The following BCAS3 variants were observed in gnomAD, a reference collection of about 807,000 sequenced individuals.
BCAS3 encodes BCAS3 microtubule associated cell migration factor, also known as BCAS4/BCAS3 fusion.
A neutral mutation model predicts 116.1 loss-of-function variants in BCAS3; 53 were observed. That is an observed-to-expected ratio of 0.46 (90% CI 0.37 to 0.57). BCAS3 has a LOEUF of 0.57. BCAS3 is among the 20% of genes least tolerant of loss of function. The pLI is 0.00. For missense variants in BCAS3, 917 were observed against 1,165.4 expected (o/e 0.79, Z 3.10); for synonymous variants, 391 against 408.2 (o/e 0.96, Z 0.51).
intron 7 of BCAS3, among the ~76,000 whole-genome samples, chr17:60,856,657 C>T (rs2053697949): frequency 6.6e-6 from 1 of 151,936 alleles, no homozygotes; most frequent in Admixed American, 6.6e-5. Context: ...AGCTACCGCA[C>T]TCCAGCCTGG....
rs1601710854 is a variant in BCAS3 at position 61,171,966 on chromosome 17, T to C, written c.2425+87402T>C. ...GCTTTAAAAAGCAGGAATGGCTATA[T>C]TAATAGACAAAGTAGACTTCAGAAC... On this transcript the variant is annotated intron_variant, in intron 22 of 23. Transcript: ENST00000407086. The surrounding 1 kb of genome is among the most constrained non-coding windows in gnomAD (Gnocchi z 4.1). 6.6e-6 allele frequency among the ~76,000 whole-genome samples: 1 copy of C among 152,212 alleles called. No individual in the cohort carries two copies. Among genetic ancestry groups the C allele is most frequent in the South Asian group, 2.1e-4 (1 of 4,814 alleles).
intron 22 of BCAS3, among the ~76,000 whole-genome samples, chr17:61,257,570 A>G (rs2048888906): frequency 1.3e-5 from 2 of 152,202 alleles, no homozygotes; most frequent in Admixed American, 1.3e-4. Context: ...CAAAATAGCA[A>G]ATATTTTGGT....
chr17:60,886,404 C>T (rs2056641429), intron 9 of BCAS3: 2 of 151,804 alleles, frequency 1.3e-5, no homozygotes, highest in African/African-American at 4.8e-5. Context: ...CCTCCCGTAG[C>T]TCAGAGTAAT....
At chr17:60,770,791 C>A (rs1402244362) in intron 6 of BCAS3, among the ~76,000 whole-genome samples, 1 of 144,722 alleles carries the variant, frequency 6.9e-6, no homozygotes, top group Non-Finnish European at 1.5e-5. Flanking sequence ...GAGGTGCATA[C>A]TATCTGCAGT....
chr17:61,389,328 G>A (rs1354394510), intron 23 of BCAS3: 1 of 152,670 alleles, frequency 6.6e-6, no homozygotes, highest in African/African-American at 2.4e-5. Context: ...CATCACTTTT[G>A]TGTCTCAGAC....
intron 22 of BCAS3, among the ~76,000 whole-genome samples, chr17:61,334,664 C>CAA (rs35400660): frequency 0.046 from 2,153 of 46,322 alleles, 29 homozygotes; most frequent in East Asian, 0.069. Flanking sequence ...AACTCCATCT[C>CAA]AAAAAAAAAA....
chr17:60,881,477 A>C (rs2056143191), intron 9 of BCAS3, among the ~76,000 whole-genome samples: 1 of 151,602 alleles, frequency 6.6e-6, no homozygotes, highest in Non-Finnish European at 1.5e-5. Flanking sequence ...TTTAGGGTAC[A>C]TGTGCACATT....
chr17:61,047,534 A>G (rs1250904190), intron 19 of BCAS3, among the ~76,000 whole-genome samples: 2 of 152,038 alleles, frequency 1.3e-5, no homozygotes, highest in African/African-American at 4.8e-5. Context: ...TTATAAAAAG[A>G]TGACAGCAGA....
In BCAS3 at chr17:60,956,718, G is replaced by A. The variant is rs1272255358; in HGVS notation, c.1221+9366G>A. Among the ~76,000 whole-genome samples, 1 of 152,104 alleles carries A rather than the reference G, an allele frequency of 6.6e-6. No homozygotes were observed. Among genetic ancestry groups the A allele is most frequent in the African/African-American group, 2.4e-5 (1 of 41,400 alleles). On this transcript the variant is annotated intron_variant, in intron 14 of 23. Coordinates refer to ENST00000407086, the MANE Select transcript of BCAS3 (RefSeq NM_017679.5). The surrounding 1 kb of genome is among the most constrained non-coding windows in gnomAD (Gnocchi z 4.2). ...AAATAGAAATTATTTAAATGATTATGCTCTAGAACACACTCTGTATGGGAG... is the reference window on the plus strand; with the variant it reads ...AAATAGAAATTATTTAAATGATTATACTCTAGAACACACTCTGTATGGGAG...
At position 61,012,279 on chromosome 17, in the gene BCAS3, C is replaced by G. The variant is rs1388477253; in HGVS notation, c.1487-3472C>G. 6.6e-6 allele frequency among the ~76,000 whole-genome samples: 1 copy of G among 152,086 alleles called. No individual in the cohort carries two copies. The highest frequency in any genetic ancestry group is 1.5e-5 in the Non-Finnish European group (1 of 67,968). ...ATAAGCCTCCAAAAGTGTGAAGTGACAGAGCAAAGATTGAGTGGAACTTTT... is the reference window on the plus strand; with the variant it reads ...ATAAGCCTCCAAAAGTGTGAAGTGAGAGAGCAAAGATTGAGTGGAACTTTT... On this transcript the variant is annotated intron_variant, in intron 15 of 23. Transcript: ENST00000407086. This position sits in a 1 kb window ranked among gnomAD's most constrained non-coding sequence, Gnocchi z 4.5.
rs1466926013 is a variant in BCAS3, at chr17:61,180,380, C to T, written c.2425+95816C>T. Among the ~76,000 whole-genome samples, 1 of 152,150 alleles carries T rather than the reference C, an allele frequency of 6.6e-6. No homozygotes were observed. The highest frequency in any genetic ancestry group is 1.5e-5 in the Non-Finnish European group (1 of 68,020). On this transcript the variant is annotated intron_variant, in intron 22 of 23. Transcript: ENST00000407086. This position sits in a 1 kb window ranked among gnomAD's most constrained non-coding sequence, Gnocchi z 6.0. ...GAGATTAAACTATTCAGCCAACAAG[C>T]TGTAATAAATAAACTCTAAGCCAAT...
Position 61,222,303 on chromosome 17 carries a change from T to C in BCAS3, c.2425+137739T>C, listed in dbSNP as rs1375209500. Among the ~76,000 whole-genome samples, 3 of 152,218 alleles carry C rather than the reference T, an allele frequency of 2.0e-5. No individual in the cohort carries two copies. The highest frequency in any genetic ancestry group is 4.4e-5 in the Non-Finnish European group (3 of 68,038). On this transcript the variant is annotated intron_variant, in intron 22 of 23. Coordinates refer to ENST00000407086, the MANE Select transcript of BCAS3 (RefSeq NM_017679.5). The surrounding 1 kb of genome is among the most constrained non-coding windows in gnomAD (Gnocchi z 6.1). ...ACTTCAATTTTGAAAACCTCTGTTC[T>C]CTTTTACAGTCGAAAAGCAAGAAAC...
chr17:61,170,699 C>T (rs995927977), intron 22 of BCAS3, among the ~76,000 whole-genome samples: 2 of 152,040 alleles, frequency 1.3e-5, no homozygotes, highest in Non-Finnish European at 2.9e-5. Flanking sequence ...CAGAGCTCGT[C>T]GCTGGTACAT....
chr17:61,109,495 G>A (rs766567597), intron 22 of BCAS3, among the ~76,000 whole-genome samples: 2 of 152,266 alleles, frequency 1.3e-5, no homozygotes, highest in Non-Finnish European at 2.9e-5. Context: ...AATGGTAGAT[G>A]TACTTTTAGT....
At chr17:60,849,116 T>C (rs1167670932) in intron 7 of BCAS3, among the ~76,000 whole-genome samples, 4 of 152,202 alleles carry the variant, frequency 2.6e-5, no homozygotes, top group African/African-American at 7.2e-5. Context: ...AAAACCGTTT[T>C]AAGGAATTGG....
chr17:60,806,809 G>A (rs1338636665), intron 6 of BCAS3, among the ~76,000 whole-genome samples: 3 of 152,116 alleles, frequency 2.0e-5, no homozygotes, highest in South Asian at 2.1e-4. Flanking sequence ...GAGAGTACAG[G>A]CGTGAGCAGG....
intron 6 of BCAS3, among the ~76,000 whole-genome samples, chr17:60,752,509 C>T (rs955872913): frequency 2.6e-5 from 4 of 151,306 alleles, no homozygotes; most frequent in East Asian, 2.0e-4. Flanking sequence ...CTGCAAGCTC[C>T]GTCTGCTAGG....
chr17:61,037,125 C>G lies in BCAS3; in HGVS notation c.1763-764C>G, dbSNP rs944921222. Among the ~76,000 whole-genome samples, 1 of 152,036 alleles carries G rather than the reference C, an allele frequency of 6.6e-6. No individual in the cohort carries two copies. Among genetic ancestry groups the G allele is most frequent in the African/African-American group, 2.4e-5 (1 of 41,398 alleles). ...ACAAATTTAAGTTCTAAATTTAAGT[C>G]TTCTGAGAAAAAAAATAGATGAGAC... On this transcript the variant is annotated intron_variant, in intron 17 of 23. Transcript: ENST00000407086. The surrounding 1 kb of genome is among the most constrained non-coding windows in gnomAD (Gnocchi z 4.7).
At chr17:60,774,145 A>G (rs916237279) in intron 6 of BCAS3, among the ~76,000 whole-genome samples, 6 of 151,974 alleles carry the variant, frequency 3.9e-5, no homozygotes, top group African/African-American at 1.2e-4. Flanking sequence ...TGCTCTGATC[A>G]CTTTTGAAGT....
Sources: allele counts gnomAD v4.1 joint callset (sites outside exome capture counted in the v4.1 genomes callset), GRCh38; gene constraint gnomAD v4.1.1; non-coding constraint Gnocchi (gnomAD v3.1); transcripts MANE v1.5; gene names NCBI Gene and HGNC (gene_info 2026-07-23, HGNC 2026-07-21).